The following CAMKMT variants were observed in gnomAD, a reference collection of about 807,000 sequenced individuals.
CAMKMT encodes CaM KMT.
CAMKMT carries 53 observed loss-of-function variants against 48.0 expected under a neutral mutation model. The ratio of observed to expected loss-of-function variants is 1.10; its 90% CI spans 0.89 to 1.39. The LOEUF is 1.39. CAMKMT is among the 40% of genes most tolerant of loss of function. The pLI is 0.00. For missense variants in CAMKMT, 428 were observed against 402.7 expected (o/e 1.06, Z -0.54); for synonymous variants, 165 against 152.3 (o/e 1.08, Z -0.61).
At chr2:44,499,623 C>G (rs1198551132) in intron 3 of CAMKMT, among the ~76,000 whole-genome samples, 1 of 152,180 alleles carries the variant, frequency 6.6e-6, no homozygotes, top group African/African-American at 2.4e-5. Context: ...ATTCACTGTT[C>G]TTTGGTACTT....
chr2:44,717,515 G>C (rs1678235147), intron 7 of CAMKMT, among the ~76,000 whole-genome samples: 1 of 152,168 alleles, frequency 6.6e-6, no homozygotes, highest in Non-Finnish European at 1.5e-5. Flanking sequence ...GAAAGTATTA[G>C]TTCCATGAGA....
chr2:44,583,657 A>C (rs1022857964), intron 3 of CAMKMT, among the ~76,000 whole-genome samples: 1 of 152,038 alleles, frequency 6.6e-6, no homozygotes, highest in African/African-American at 2.4e-5. Context: ...ATAGCTGGGC[A>C]TGGTGGCACA....
At chr2:44,622,956 G>C (rs1672281119) in intron 3 of CAMKMT, among the ~76,000 whole-genome samples, 1 of 152,188 alleles carries the variant, frequency 6.6e-6, no homozygotes, top group South Asian at 2.1e-4. Flanking sequence ...CCCACCAACA[G>C]TGCATAAGCA....
chr2:44,459,015 G>A (rs1032952962), intron 3 of CAMKMT, among the ~76,000 whole-genome samples: 2 of 151,836 alleles, frequency 1.3e-5, no homozygotes, highest in African/African-American at 4.8e-5. Flanking sequence ...AATTCAACAT[G>A]CACCACCAAC....
intron 3 of CAMKMT, among the ~76,000 whole-genome samples, chr2:44,445,535 C>G (rs570684050): frequency 6.6e-6 from 1 of 151,926 alleles, no homozygotes; most frequent in Admixed American, 6.6e-5. Flanking sequence ...TACTACGGGA[C>G]ATTCCCCTAA....
At chr2:44,524,990 G>T (rs1356053743) in intron 3 of CAMKMT, among the ~76,000 whole-genome samples, 1 of 151,038 alleles carries the variant, frequency 6.6e-6, no homozygotes, top group African/African-American at 2.4e-5. Context: ...AACTTAGCTT[G>T]TTAATCATCC....
chr2:44,429,413 C>G (rs1237927429), intron 3 of CAMKMT, among the ~76,000 whole-genome samples: 2 of 152,014 alleles, frequency 1.3e-5, no homozygotes, highest in African/African-American at 4.8e-5. Context: ...TGAAATAGCC[C>G]TAGCTGGACC....
At chr2:44,526,240 T>G (rs1671397694) in intron 3 of CAMKMT, among the ~76,000 whole-genome samples, 1 of 152,216 alleles carries the variant, frequency 6.6e-6, no homozygotes, top group Admixed American at 6.5e-5. Context: ...CTGAATAATT[T>G]TATGAAATTA....
At chr2:44,743,524 A>T (rs1679792425) in intron 7 of CAMKMT, 98 bp from the exon 8 acceptor site, 1 of 796,136 alleles carries the variant, frequency 1.3e-6, no homozygotes, top group South Asian at 1.6e-5. Flanking sequence ...ATACCTTTTA[A>T]ATAATTTCAA....
At chr2:44,617,644 A>G (rs1671965225) in intron 3 of CAMKMT, among the ~76,000 whole-genome samples, 2 of 152,390 alleles carry the variant, frequency 1.3e-5, no homozygotes, top group East Asian at 3.9e-4. Flanking sequence ...TCACTGAGCC[A>G]TATTTCCTCA....
At chr2:44,497,427 A>C (rs1669799828) in intron 3 of CAMKMT, among the ~76,000 whole-genome samples, 1 of 152,160 alleles carries the variant, frequency 6.6e-6, no homozygotes, top group Admixed American at 6.6e-5. Context: ...TGGATTCAGG[A>C]AATTCATTCT....
At chr2:44,384,723 T>C (rs1680610886) in intron 2 of CAMKMT, among the ~76,000 whole-genome samples, 1 of 152,120 alleles carries the variant, frequency 6.6e-6, no homozygotes, top group Non-Finnish European at 1.5e-5. Context: ...TCCAGCACCA[T>C]TTGTTGAAAA....
chr2:44,460,417 G>A (rs1177895728), intron 3 of CAMKMT, among the ~76,000 whole-genome samples: 2 of 152,288 alleles, frequency 1.3e-5, no homozygotes, highest in South Asian at 2.1e-4. Flanking sequence ...TTAAAAAATT[G>A]TGAGTCTTTT....
chr2:44,646,914 T>C (rs1421313153), intron 3 of CAMKMT, among the ~76,000 whole-genome samples: 2 of 152,208 alleles, frequency 1.3e-5, no homozygotes, highest in African/African-American at 4.8e-5. Flanking sequence ...GGGTCTGTGC[T>C]CTTCTCCAGT....
chr2:44,365,141 A>T (rs1482223651), intron 1 of CAMKMT, among the ~76,000 whole-genome samples: 1 of 152,202 alleles, frequency 6.6e-6, no homozygotes, highest in Non-Finnish European at 1.5e-5. Flanking sequence ...AAGGAATCTA[A>T]GCAGTGCTAG....
At chr2:44,558,552 T>A (rs898240584) in intron 3 of CAMKMT, among the ~76,000 whole-genome samples, 1 of 152,022 alleles carries the variant, frequency 6.6e-6, no homozygotes, top group African/African-American at 2.4e-5. Flanking sequence ...CAGAGGTGGA[T>A]TGGATAAGGA....
chr2:44,438,978 G>A (rs575663631), intron 3 of CAMKMT, among the ~76,000 whole-genome samples: 2 of 152,174 alleles, frequency 1.3e-5, no homozygotes, highest in East Asian at 3.9e-4. Flanking sequence ...ATAGTGTCCT[G>A]TGCACCCTTC....
chr2:44,656,737 C>T (rs1000996665), intron 3 of CAMKMT, among the ~76,000 whole-genome samples: 5 of 151,038 alleles, frequency 3.3e-5, no homozygotes, highest in East Asian at 1.9e-4. Context: ...CTAACAAATC[C>T]CTCATTATTA....
At chr2:44,715,899 C>G (rs935163141) in intron 7 of CAMKMT, among the ~76,000 whole-genome samples, 1 of 152,142 alleles carries the variant, frequency 6.6e-6, no homozygotes. Context: ...CTGAGAAACC[C>G]TGCTCTGTTT....
Sources: allele counts gnomAD v4.1 joint callset (sites outside exome capture counted in the v4.1 genomes callset), GRCh38; gene constraint gnomAD v4.1.1; transcripts MANE v1.5; gene names NCBI Gene and HGNC (gene_info 2026-07-23, HGNC 2026-07-21).